Variants in ACTR8 observed in about 807,000 individuals in gnomAD.
The protein encoded by ACTR8 is actin related protein 8.
ACTR8 carries 70 observed loss-of-function variants against 84.3 expected under a neutral mutation model. The ratio of observed to expected loss-of-function variants is 0.83; its 90% CI spans 0.68 to 1.01. The LOEUF is 1.01. Ranked by LOEUF, ACTR8 falls within the 50% of genes least tolerant of loss-of-function variation. The pLI, the probability that ACTR8 is intolerant of heterozygous loss-of-function variation, is 0.00. For synonymous variants in ACTR8, 268 were observed against 275.2 expected (o/e 0.97, Z 0.26); for missense variants, 672 against 775.4 (o/e 0.87, Z 1.58).
At chr3:53,866,518 G>C (rs1193519428), downstream of ACTR8, among the ~76,000 whole-genome samples, 1 of 149,824 alleles carries the variant, frequency 6.7e-6, no homozygotes, top group Non-Finnish European at 1.5e-5. Flanking sequence ...GTTTCACTCT[G>C]TCACCCAGGC....
rs1699830432 is a variant in ACTR8, at chr3:53,868,484, A to G, written c.*235T>C. The G allele has an allele frequency of 7.5e-6, 4 of 533,630 alleles. No homozygotes were observed. Among genetic ancestry groups the G allele is most frequent in the Non-Finnish European group, 6.4e-6 (2 of 311,552 alleles). 33.1% of individuals were successfully genotyped at this position (533,630 alleles called of 1,614,324 possible). On this transcript the variant is annotated 3_prime_UTR_variant, in exon 13 of 13. Coordinates refer to ENST00000335754, the MANE Select transcript of ACTR8 (RefSeq NM_022899.5). ...TTATGAGACCCTGAGAGAGGGCAAG[A>G]GAGTTTACAACTGAAGAGAAAGTTC...
At chr3:53,865,352 C>T, downstream of ACTR8, 4 of 1,468,162 alleles carry the variant, frequency 2.7e-6, no homozygotes, top group Non-Finnish European at 3.7e-6. Context: ...TCCTATCCCA[C>T]CAATTACAGG....
At chr3:53,881,921 G>C in intron 1 of ACTR8, 58 bp downstream of exon 1, 1 of 1,550,142 alleles carries the variant, frequency 6.5e-7, no homozygotes, top group South Asian at 1.2e-5. Flanking sequence ...CCCGCCCCTT[G>C]CCTGGCAGCG....
intron 3 of ACTR8, 40 bp downstream of exon 3, chr3:53,878,317 T>A: frequency 7.4e-7 from 1 of 1,346,574 alleles, no homozygotes; most frequent in Non-Finnish European, 1.1e-6. Flanking sequence ...ATGATACCAA[T>A]AGTGGTGATA....
chr3:53,864,318 C>T (rs938235061), downstream of ACTR8, among the ~76,000 whole-genome samples: 79 of 152,272 alleles, frequency 5.2e-4, no homozygotes, highest in African/African-American at 1.7e-3. Context: ...GGGCGGAACA[C>T]GAGGTCAGGA....
Position 53,870,268 on chromosome 3 carries a change from C to G in ACTR8, c.1568-123G>C. 8.8e-7 allele frequency: 1 copy of G among 1,139,730 alleles called. No individual in the cohort carries two copies. The highest frequency in any genetic ancestry group is 1.3e-6 in the Non-Finnish European group (1 of 798,728). The allele number at this position is 1,139,730 out of a possible 1,614,324, so 70.6% of individuals were successfully genotyped here. ...TCTCAAAGATTTCCCTCCAGCCCAC[C>G]CTCCACACTGCAGCCAGGGGAACCC... On this transcript the variant is annotated intron_variant, in intron 11 of 12. Transcript: ENST00000335754. The surrounding 1 kb of genome is among the most constrained non-coding windows in gnomAD (Gnocchi z 4.1).
intron 12 of ACTR8, among the ~76,000 whole-genome samples, chr3:53,869,109 G>A (rs978584212): frequency 4.6e-5 from 7 of 152,110 alleles, no homozygotes; most frequent in Non-Finnish European, 7.4e-5. Flanking sequence ...GTGGAATGCC[G>A]CCTCTACTAA....
chr3:53,860,648 G>A, the ACTR8 span: 1 of 153,016 alleles, frequency 6.5e-6, no homozygotes, highest in Admixed American at 6.5e-5. Context: ...GGTTTGGACT[G>A]CGCAGAGCCA....
downstream of ACTR8, among the ~76,000 whole-genome samples, chr3:53,866,227 T>A (rs1306356964): frequency 6.6e-6 from 1 of 152,058 alleles, no homozygotes; most frequent in Non-Finnish European, 1.5e-5. Context: ...TACAAAAGAT[T>A]TAAAAAATTA....
intron 7 of ACTR8, 90 bp downstream of exon 7, chr3:53,875,858 T>C (rs1699956862): frequency 2.6e-6 from 4 of 1,542,232 alleles, no homozygotes; most frequent in Non-Finnish European, 3.5e-6. Context: ...GGTTATCTTA[T>C]AATTTTTAAC....
rs748105204 is a variant in ACTR8 at position 53,877,289 on chromosome 3, A to G, written c.609T>C (p.Ala203=). The G allele has an allele frequency of 6.2e-7, 1 of 1,614,104 alleles. No homozygotes were observed. Among genetic ancestry groups the G allele is most frequent in the Admixed American group, 1.7e-5 (1 of 60,010 alleles). The change falls in exon 5 of 13, where the codon GCT becomes GCC. Residue 203 remains alanine, a synonymous_variant. Transcript: ENST00000335754. ...IHPGPGGSLT[A]VLADIEVIWS... ...ATATTACTTCAATATCTGCCAGAAC[A>G]GCTGTAAGAGAGCCCCCAGGGCCTG...
At chr3:53,864,903 G>A (rs776312127), downstream of ACTR8, 7 of 1,614,054 alleles carry the variant, frequency 4.3e-6, no homozygotes, top group African/African-American at 6.7e-5. Flanking sequence ...TTGAAAAGTG[G>A]CAGAAAAAGA....
In ACTR8 at chr3:53,870,706, C is replaced by G. The variant is rs1367493965; in HGVS notation, c.1567+526G>C. Reference sequence around the variant, plus strand: ...CAAGATCCACTACGGGTGGTCGTCCCCTGCTTCTCTAGCCTCATCCTCACA... The same window carrying G: ...CAAGATCCACTACGGGTGGTCGTCCGCTGCTTCTCTAGCCTCATCCTCACA... On this transcript the variant is annotated intron_variant, in intron 11 of 12. Transcript: ENST00000335754. This position sits in a 1 kb window ranked among gnomAD's most constrained non-coding sequence, Gnocchi z 4.1. 6.6e-6 allele frequency among the ~76,000 whole-genome samples: 1 copy of G among 152,048 alleles called. No individual in the cohort carries two copies. Among genetic ancestry groups the G allele is most frequent in the Non-Finnish European group, 1.5e-5 (1 of 68,010 alleles).
chr3:53,864,750 G>T (rs774743660), downstream of ACTR8: 1 of 1,604,044 alleles, frequency 6.2e-7, no homozygotes, highest in Non-Finnish European at 8.5e-7. Context: ...TCACAGAAAG[G>T]ATCAAGAAGA....
chr3:53,876,930 CAAAAATA>C (rs1187179406), intron 5 of ACTR8, among the ~76,000 whole-genome samples: 2 of 149,376 alleles, frequency 1.3e-5, no homozygotes, highest in Non-Finnish European at 3.0e-5. Context: ...CTTGTAAAAT[CAAAAATA>C]AGACAACTGA....
At chr3:53,881,771 C>T (rs1348900652) in intron 1 of ACTR8, 4 of 751,934 alleles carry the variant, frequency 5.3e-6, no homozygotes, top group South Asian at 1.8e-5. Context: ...CCTGCGGGGG[C>T]TCCGCCTGGC....
chr3:53,878,784 AC>A (rs972108022), intron 2 of ACTR8, among the ~76,000 whole-genome samples: 3 of 152,198 alleles, frequency 2.0e-5, no homozygotes, highest in Non-Finnish European at 4.4e-5. Context: ...AGATCGCACC[AC>A]TGTACTCCAG....
At chr3:53,879,138 T>G (rs1045023633) in intron 2 of ACTR8, among the ~76,000 whole-genome samples, 1 of 152,242 alleles carries the variant, frequency 6.6e-6, no homozygotes, top group Non-Finnish European at 1.5e-5. Flanking sequence ...CCCATAAATA[T>G]CTTTACAGAA....
At position 53,868,778 on chromosome 3, in the gene ACTR8, G is replaced by A. The variant is rs144241103; in HGVS notation, c.1816C>T (p.Arg606Ter). The A allele has an allele frequency of 9.3e-6, 15 of 1,614,148 alleles. No homozygotes were observed. In the East Asian group the frequency reaches 1.1e-4, roughly 12 times the overall value. Residue 606 changes from arginine (R) to a stop codon, truncating the protein, a stop_gained, in exon 13 of 13, where the codon CGA becomes TGA. Transcript: ENST00000335754. LOFTEE classifies it high-confidence loss of function. ...CGGACACCAAAGCGCTGCCACTCTCGCTGATAAATCCACAGTTCCTGTGTT... is the reference window on the plus strand; with the variant it reads ...CGGACACCAAAGCGCTGCCACTCTCACTGATAAATCCACAGTTCCTGTGTT... ...DTTQELWIYQ[R>*]EWQRFGVRML...
Sources: allele counts gnomAD v4.1 joint callset (sites outside exome capture counted in the v4.1 genomes callset), GRCh38; gene constraint gnomAD v4.1.1; non-coding constraint Gnocchi (gnomAD v3.1); transcripts MANE v1.5; gene names NCBI Gene and HGNC (gene_info 2026-07-23, HGNC 2026-07-21).